The following RAVER2 variants were observed in gnomAD, a reference collection of about 807,000 sequenced individuals.
The protein encoded by RAVER2 is ribonucleoprotein PTB-binding 2.
A neutral mutation model predicts 78.1 loss-of-function variants in RAVER2; 46 were observed. That is an observed-to-expected ratio of 0.59 (90% CI 0.46 to 0.75). RAVER2 has a LOEUF of 0.75. Among genes scored for constraint, RAVER2 ranks in the 30% least tolerant of loss-of-function variants. The probability of loss-of-function intolerance (pLI) is 0.00; values close to 1 mark genes in which losing one functional copy is unlikely to be tolerated. For synonymous variants in RAVER2, 311 were observed against 313.3 expected (o/e 0.99, Z 0.08); for missense variants, 793 against 837.5 (o/e 0.95, Z 0.66).
Position 64,812,768 on chromosome 1 carries a change from G to A in RAVER2, c.1711G>A (p.Gly571Arg), listed in dbSNP as rs756948789. The A allele has an allele frequency of 1.9e-5, 31 of 1,611,798 alleles. No individual in the cohort carries two copies. Among genetic ancestry groups the A allele is most frequent in the Non-Finnish European group, 2.4e-5 (28 of 1,178,982 alleles). The change falls in exon 10 of 12, where the codon GGA becomes AGA. Residue 571 changes from glycine to arginine, a missense_variant. Coordinates refer to ENST00000294428, the Ensembl canonical transcript of RAVER2. ...CTCTAAGAATCAAACTTCACTCTTG[G>A]GAGAACCACCAAAAGAAATTCGGCT...
rs755731197 is a variant in RAVER2 at position 64,814,793 on chromosome 1, T to C, written c.1882T>C (p.Leu628=). 127 of 1,589,552 alleles carry C rather than the reference T, an allele frequency of 8.0e-5. No individual in the cohort carries two copies. In the South Asian group the frequency reaches 9.5e-4, roughly 12 times the overall value. Reference sequence around the variant, plus strand: ...TCAGGGAAGTGAATCACAACACGCATTGGAAAAGTGCATTGCTTATTCTCC... The same window carrying C: ...TCAGGGAAGTGAATCACAACACGCACTGGAAAAGTGCATTGCTTATTCTCC... Residue 628 remains leucine, a synonymous_variant, in exon 11 of 12, where the codon TTG becomes CTG. Coordinates refer to ENST00000294428, the Ensembl canonical transcript of RAVER2.
At chr1:64,763,152 A>T (rs547512845) in intron 1 of RAVER2, among the ~76,000 whole-genome samples, 2 of 152,032 alleles carry the variant, frequency 1.3e-5, no homozygotes, top group African/African-American at 4.8e-5. Context: ...TACTAAATAT[A>T]CGGGTGAGGT....
intron 5 of RAVER2, among the ~76,000 whole-genome samples, chr1:64,797,886 A>G (rs537755338): frequency 5.0e-4 from 75 of 150,908 alleles, no homozygotes; most frequent in Non-Finnish European, 1.1e-3. Flanking sequence ...TACTCCATCA[A>G]TAATGTGTGA....
At chr1:64,809,712 T>C (rs904761938) in intron 9 of RAVER2, among the ~76,000 whole-genome samples, 1 of 150,634 alleles carries the variant, frequency 6.6e-6, no homozygotes, top group Non-Finnish European at 1.5e-5. Context: ...TCCAAAACTT[T>C]TTCATCATCT....
intron 1 of RAVER2, among the ~76,000 whole-genome samples, chr1:64,746,592 A>G (rs1444950924): frequency 1.3e-5 from 2 of 152,226 alleles, no homozygotes; most frequent in Non-Finnish European, 1.5e-5. Context: ...TTACATAGCC[A>G]TTCACAATAA....
At chr1:64,803,352 A>G (rs1020558195) in intron 6 of RAVER2, among the ~76,000 whole-genome samples, 6 of 152,172 alleles carry the variant, frequency 3.9e-5, no homozygotes, top group South Asian at 2.1e-4. Context: ...TGTTCAAGAC[A>G]CGGCTTCTTA....
chr1:64,745,318 T>C lies in RAVER2; in HGVS notation c.146T>C (p.Leu49Pro). The C allele has an allele frequency of 3.3e-6, 5 of 1,525,118 alleles. No homozygotes were observed. Among genetic ancestry groups the C allele is most frequent in the Non-Finnish European group, 4.4e-6 (5 of 1,134,998 alleles). 94.5% of individuals were successfully genotyped at this position (1,525,118 alleles called of 1,614,324 possible). The change falls in exon 1 of 12, where the codon CTG becomes CCG. Residue 49 changes from leucine (L) to proline (P), a missense_variant. Coordinates refer to ENST00000294428, the Ensembl canonical transcript of RAVER2. The surrounding 1 kb of genome is among the most constrained non-coding windows in gnomAD (Gnocchi z 4.3). ...GCCCCGGACCCGATGCCCGCCGCGCTGCACCCTGAGGAGGTCGCCGCGCGA... is the reference window on the plus strand; with the variant it reads ...GCCCCGGACCCGATGCCCGCCGCGCCGCACCCTGAGGAGGTCGCCGCGCGA...
chr1:64,773,826 A>G (rs1472986866), intron 2 of RAVER2, among the ~76,000 whole-genome samples: 3 of 152,200 alleles, frequency 2.0e-5, no homozygotes, highest in Non-Finnish European at 4.4e-5. Context: ...ATTTCTCCAC[A>G]TTCTCTCCAG....
chr1:64,789,013 A>G (rs1652862880), intron 4 of RAVER2, among the ~76,000 whole-genome samples: 1 of 152,140 alleles, frequency 6.6e-6, no homozygotes, highest in Admixed American at 6.5e-5. Flanking sequence ...CTGGCCAATT[A>G]AACTTTAAAT....
rs991180284 is a variant in RAVER2, at chr1:64,750,492, G to C, written c.249+5071G>C. Among the ~76,000 whole-genome samples the C allele has an allele frequency of 4.0e-5, 6 of 151,730 alleles. No individual in the cohort carries two copies. In the East Asian group the frequency reaches 9.7e-4, roughly 24 times the overall value. ...TCCAGCTAATATTTTTTAATTTTTT[G>C]TAGAGACACGGTCTCTCTATGTTGC... On this transcript the variant is annotated intron_variant, in intron 1 of 11. Transcript: ENST00000294428.
rs10566575 is a variant in RAVER2, at chr1:64,813,828, GACACACACACACACAC to G, written c.1793-845_1793-830del. Among the ~76,000 whole-genome samples the G allele has an allele frequency of 3.7e-3, 542 of 146,010 alleles. 1 individual carries two copies. Among genetic ancestry groups the G allele is most frequent in the African/African-American group, 0.012 (466 of 39,718 alleles). On this transcript the variant is annotated intron_variant, in intron 10 of 11. Transcript: ENST00000294428. ...TTTATATGCCTTGTTTTAGAGACTA[GACACACACACACACAC>G]ACACACACACACACACACACACACA...
At chr1:64,781,177 A>C (rs1319160660) in intron 3 of RAVER2, among the ~76,000 whole-genome samples, 1 of 152,226 alleles carries the variant, frequency 6.6e-6, no homozygotes, top group Non-Finnish European at 1.5e-5. Context: ...AATTGAATAG[A>C]AACTTGACAG....
chr1:64,824,251 G>T (rs571110850), intron 11 of RAVER2, among the ~76,000 whole-genome samples: 1 of 152,292 alleles, frequency 6.6e-6, no homozygotes, highest in Non-Finnish European at 1.5e-5. Context: ...GCCTGTTCCA[G>T]GGAATCAACC....
intron 5 of RAVER2, among the ~76,000 whole-genome samples, chr1:64,795,499 A>G (rs576144960): frequency 1.3e-5 from 2 of 152,008 alleles, no homozygotes; most frequent in South Asian, 2.1e-4. Flanking sequence ...GCAATGTTTT[A>G]TTTTTTCAGA....
intron 2 of RAVER2, among the ~76,000 whole-genome samples, chr1:64,771,969 GA>G (rs1368868344): frequency 6.6e-6 from 1 of 152,020 alleles, no homozygotes; most frequent in African/African-American, 2.4e-5. Flanking sequence ...TACATTAGGG[GA>G]AAAAGTTTTG....
intron 1 of RAVER2, among the ~76,000 whole-genome samples, chr1:64,754,680 A>T (rs1027736350): frequency 6.6e-6 from 1 of 152,194 alleles, no homozygotes; most frequent in Non-Finnish European, 1.5e-5. Context: ...TATTATTTCA[A>T]GGGGGTATGG....
At chr1:64,798,343 T>C (rs1226304881) in intron 5 of RAVER2, among the ~76,000 whole-genome samples, 1 of 140,952 alleles carries the variant, frequency 7.1e-6, no homozygotes. Context: ...TTTGGGTTGG[T>C]TCCAAGTCTT....
chr1:64,806,059 A>G (rs778483403), intron 8 of RAVER2, among the ~76,000 whole-genome samples: 1 of 152,232 alleles, frequency 6.6e-6, no homozygotes, highest in Non-Finnish European at 1.5e-5. Flanking sequence ...CTAAATGATT[A>G]TTACTAAAAA....
intron 1 of RAVER2, among the ~76,000 whole-genome samples, chr1:64,754,589 A>G (rs1033300480): frequency 2.2e-4 from 33 of 152,188 alleles, no homozygotes; most frequent in African/African-American, 7.2e-4. Context: ...CAATCAGTCA[A>G]CTGTTTATGG....
Sources: gnomAD v4.1 joint callset for allele counts (sites outside exome capture counted in the v4.1 genomes callset) on GRCh38, gnomAD v4.1.1 for gene constraint, Gnocchi (gnomAD v3.1) non-coding constraint, MANE v1.5 for transcripts, NCBI Gene and HGNC (gene_info 2026-07-23, HGNC 2026-07-21) for gene names.